Variants in ASTN1 observed in about 807,000 individuals in gnomAD.
ASTN1 encodes the protein astrotactin-1.
In ASTN1, 41 loss-of-function variants were observed where a neutral mutation model predicts 140.7. The observed-to-expected ratio is 0.29, with a 90% CI of 0.23 to 0.38. The LOEUF (loss-of-function observed/expected upper bound fraction) is 0.38. ASTN1 is among the 10% of genes least tolerant of loss of function. The pLI, the probability that ASTN1 is intolerant of heterozygous loss-of-function variation, is 1.00. For missense variants in ASTN1, 1,479 were observed against 1,678.8 expected (o/e 0.88, Z 2.08); for synonymous variants, 640 against 652.2 (o/e 0.98, Z 0.29).
chr1:177,117,648 G>C (rs1281357449), intron 1 of ASTN1, among the ~76,000 whole-genome samples: 1 of 152,024 alleles, frequency 6.6e-6, no homozygotes, highest in East Asian at 1.9e-4. Context: ...TGGTTAGCAT[G>C]GCATTCAATA....
At chr1:177,088,758 A>G (rs1679596333) in intron 1 of ASTN1, among the ~76,000 whole-genome samples, 1 of 152,170 alleles carries the variant, frequency 6.6e-6, no homozygotes, top group African/African-American at 2.4e-5. Flanking sequence ...ATAAACTAAT[A>G]TTCAAGCTTG....
chr1:176,950,360 T>C (rs1672144323), intron 11 of ASTN1, among the ~76,000 whole-genome samples: 1 of 152,162 alleles, frequency 6.6e-6, no homozygotes, highest in Admixed American at 6.5e-5. Context: ...CCTTTGTAGG[T>C]TGGCTGTGGA....
At chr1:176,960,141 C>T (rs2103133733) in intron 9 of ASTN1, among the ~76,000 whole-genome samples, 1 of 152,188 alleles carries the variant, frequency 6.6e-6, no homozygotes, top group East Asian at 1.9e-4. Context: ...GAATCCGGGA[C>T]TTAAGGATAA....
intron 16 of ASTN1, among the ~76,000 whole-genome samples, chr1:176,912,311 A>G (rs949000439): frequency 1.3e-5 from 2 of 152,226 alleles, no homozygotes; most frequent in African/African-American, 2.4e-5. Flanking sequence ...AGCTATGGGT[A>G]TTATGTAAAC....
In ASTN1 at chr1:176,888,023, C is replaced by T. The variant is rs753424102; in HGVS notation, c.3074+48G>A. On this transcript the variant is annotated intron_variant, in intron 18 of 22. Transcript: ENST00000361833. ...TATTTCTTTGCAAATAGTAGACGCTCATTATCTGTTTCCAGAGTAATGCTG... is the reference window on the plus strand; with the variant it reads ...TATTTCTTTGCAAATAGTAGACGCTTATTATCTGTTTCCAGAGTAATGCTG... 5 of 1,611,192 alleles carry T rather than the reference C, an allele frequency of 3.1e-6. No homozygotes were observed. The South Asian group carries it at 3.3e-5, about 11-fold the overall frequency.
At chr1:177,020,978 A>C (rs555372961) in intron 7 of ASTN1, among the ~76,000 whole-genome samples, 1 of 152,324 alleles carries the variant, frequency 6.6e-6, no homozygotes, top group East Asian at 1.9e-4. Flanking sequence ...ATTTCCAAGT[A>C]AGCTAGCTAG....
At chr1:177,101,918 G>C (rs1238986030) in intron 1 of ASTN1, among the ~76,000 whole-genome samples, 1 of 152,170 alleles carries the variant, frequency 6.6e-6, no homozygotes, top group East Asian at 1.9e-4. Flanking sequence ...TCTCATGCAG[G>C]AGCCAAGGCA....
rs535923985 is a variant in ASTN1 at position 176,877,693 on chromosome 1, C to T, written c.3363-1056G>A. Among the ~76,000 whole-genome samples, 5 of 152,328 alleles carry T rather than the reference C, an allele frequency of 3.3e-5. No individual in the cohort carries two copies. In the South Asian group the frequency reaches 1.0e-3, roughly 32 times the overall value. ...TGTGCCAAGGGCCTCTGATAACCAA[C>T]CCAGTCGGTCTAAAGAAAATCATTA... On this transcript the variant is annotated intron_variant, in intron 20 of 22. Transcript: ENST00000361833.
chr1:177,145,803 A>G (rs1682695056), intron 1 of ASTN1, among the ~76,000 whole-genome samples: 1 of 152,198 alleles, frequency 6.6e-6, no homozygotes, highest in Admixed American at 6.5e-5. Context: ...GATATAAACC[A>G]AGTGCTGCTA....
chr1:177,038,749 AAC>A (rs978140443), intron 2 of ASTN1, among the ~76,000 whole-genome samples: 1 of 152,202 alleles, frequency 6.6e-6, no homozygotes, highest in African/African-American at 2.4e-5. Context: ...TGCGGTGAAT[AAC>A]ACACGTATGG....
At chr1:176,921,895 A>AAT (rs1670739735) in intron 16 of ASTN1, among the ~76,000 whole-genome samples, 1 of 152,192 alleles carries the variant, frequency 6.6e-6, no homozygotes, top group Non-Finnish European at 1.5e-5. Context: ...TCTCTTAAAC[A>AAT]ATATGCTATC....
At chr1:177,075,523 G>T (rs1054371538) in intron 1 of ASTN1, among the ~76,000 whole-genome samples, 12 of 151,530 alleles carry the variant, frequency 7.9e-5, no homozygotes, top group Admixed American at 3.9e-4. Flanking sequence ...GTTGTCTTTG[G>T]TTTTTTATAA....
At chr1:177,131,730 A>G (rs1035473228) in intron 1 of ASTN1, among the ~76,000 whole-genome samples, 1 of 152,192 alleles carries the variant, frequency 6.6e-6, no homozygotes, top group Non-Finnish European at 1.5e-5. Flanking sequence ...TTATAAAGAA[A>G]AGAGACGTAT....
At chr1:176,887,219 C>CT in intron 18 of ASTN1, among the ~76,000 whole-genome samples, 1 of 152,166 alleles carries the variant, frequency 6.6e-6, no homozygotes, top group Non-Finnish European at 1.5e-5. Flanking sequence ...CTAGTATTTA[C>CT]TTTTTTGCAG....
intron 21 of ASTN1, among the ~76,000 whole-genome samples, chr1:176,871,471 G>A (rs1444014340): frequency 1.3e-5 from 2 of 152,172 alleles, no homozygotes; most frequent in African/African-American, 2.4e-5. Flanking sequence ...AGCAGTGATG[G>A]CTGAGGAGGT....
intron 10 of ASTN1, among the ~76,000 whole-genome samples, 195 bp downstream of exon 10, chr1:176,958,150 A>G (rs1295516658): frequency 2.0e-5 from 3 of 152,218 alleles, no homozygotes; most frequent in South Asian, 2.1e-4. Context: ...CTTCCAGTGA[A>G]TGAGCCTTGG....
intron 16 of ASTN1, among the ~76,000 whole-genome samples, chr1:176,927,239 A>G (rs1427136443): frequency 1.3e-5 from 2 of 152,202 alleles, no homozygotes; most frequent in African/African-American, 2.4e-5. Flanking sequence ...GATTATGTAG[A>G]AAAAAAATGT....
intron 14 of ASTN1, among the ~76,000 whole-genome samples, chr1:176,938,344 C>A (rs1671537889): frequency 1.3e-5 from 2 of 152,212 alleles, no homozygotes; most frequent in Admixed American, 6.5e-5. Flanking sequence ...GTCAGCTCAA[C>A]AGCTTTGCTT....
intron 1 of ASTN1, among the ~76,000 whole-genome samples, chr1:177,069,341 T>C (rs1436046055): frequency 1.3e-5 from 2 of 152,142 alleles, no homozygotes; most frequent in Non-Finnish European, 2.9e-5. Context: ...AAATCTGCAA[T>C]GTTAACTTCT....
Sources: allele counts gnomAD v4.1 joint callset (sites outside exome capture counted in the v4.1 genomes callset), GRCh38; gene constraint gnomAD v4.1.1; transcripts MANE v1.5; gene names NCBI Gene and HGNC (gene_info 2026-07-23, HGNC 2026-07-21).